The following WDR48 variants were observed in gnomAD, a reference collection of about 807,000 sequenced individuals.
The protein encoded by WDR48 is WD repeat domain 48.
Under a neutral mutation model 94.0 loss-of-function variants are expected in WDR48, and 22 were observed. That is an observed-to-expected ratio of 0.23 (90% CI 0.17 to 0.33). The LOEUF is 0.33. Among genes scored for constraint, WDR48 ranks in the 10% least tolerant of loss-of-function variants. The pLI, the probability that WDR48 is intolerant of heterozygous loss-of-function variation, is 1.00. For missense variants in WDR48, 541 were observed against 813.8 expected (o/e 0.66, Z 4.08); for synonymous variants, 278 against 280.5 (o/e 0.99, Z 0.09).
chr3:39,077,382 T>C (rs1293603694), intron 9 of WDR48, among the ~76,000 whole-genome samples, 169 bp downstream of exon 9: 1 of 152,222 alleles, frequency 6.6e-6, no homozygotes, highest in South Asian at 2.1e-4. Flanking sequence ...AAGATCATAC[T>C]AAAATTAAGA....
rs201155629 is a variant in WDR48, at chr3:39,052,082, G to T, written c.48+9G>T. 6.2e-7 allele frequency: 1 copy of T among 1,613,506 alleles called. No individual in the cohort carries two copies. The highest frequency in any genetic ancestry group is 8.5e-7 in the Non-Finnish European group (1 of 1,179,822). On this transcript the variant is annotated intron_variant, in intron 1 of 18. Transcript: ENST00000302313. ...GGCGGAGGAAAGTGCAGGTATGGAA[G>T]CCCGGTTCCTCGGTCTTCCGGACGC...
intron 18 of WDR48, chr3:39,094,350 A>G: frequency 7.0e-7 from 1 of 1,438,180 alleles, no homozygotes; most frequent in Non-Finnish European, 9.1e-7. Context: ...TATGATTTAG[A>G]GTGAAGGTGT....
intron 5 of WDR48, among the ~76,000 whole-genome samples, chr3:39,067,126 C>T (rs554852809): frequency 2.5e-4 from 38 of 152,240 alleles, no homozygotes; most frequent in Admixed American, 6.5e-4. Context: ...GTCTTAGCTC[C>T]CTAGCTAAAA....
intron 15 of WDR48, 84 bp from the exon 16 acceptor site, chr3:39,089,147 G>T: frequency 8.0e-7 from 1 of 1,247,822 alleles, no homozygotes; most frequent in Non-Finnish European, 1.1e-6. Context: ...AAAACCATGA[G>T]GGTTCCTCCC....
At chr3:39,069,518 C>A in intron 6 of WDR48, 125 bp from the exon 7 acceptor site, 1 of 768,094 alleles carries the variant, frequency 1.3e-6, no homozygotes, top group Non-Finnish European at 2.0e-6. Context: ...AGACAGTGTC[C>A]ATTGGCAGAA....
At chr3:39,089,593 C>G (rs895263488) in intron 16 of WDR48, 1 of 220,874 alleles carries the variant, frequency 4.5e-6, no homozygotes, top group Non-Finnish European at 8.9e-6. Context: ...TTCATTCTTG[C>G]CCATTCACTC....
intron 3 of WDR48, 52 bp downstream of exon 3, chr3:39,065,941 T>C (rs1293882289): frequency 1.4e-6 from 2 of 1,379,324 alleles, no homozygotes; most frequent in Non-Finnish European, 2.0e-6. Context: ...TTTTGTTTTT[T>C]ATATAAGCTT....
intron 1 of WDR48, among the ~76,000 whole-genome samples, chr3:39,061,057 G>C (rs548510227): frequency 3.9e-4 from 60 of 152,164 alleles, no homozygotes; most frequent in Non-Finnish European, 7.5e-4. Flanking sequence ...GTGGAGAAAG[G>C]GTATAATTGT....
chr3:39,076,426 G>A (rs140871463), intron 8 of WDR48, among the ~76,000 whole-genome samples: 26 of 152,288 alleles, frequency 1.7e-4, no homozygotes, highest in African/African-American at 5.3e-4. Context: ...ATCTCTTGCC[G>A]GGATGTTGGC....
At chr3:39,055,606 G>A (rs1001255156) in intron 1 of WDR48, among the ~76,000 whole-genome samples, 1 of 152,202 alleles carries the variant, frequency 6.6e-6, no homozygotes, top group African/African-American at 2.4e-5. Flanking sequence ...AGGAAAACTA[G>A]AGATACGAGG....
At chr3:39,073,801 A>G (rs1446552911) in intron 7 of WDR48, among the ~76,000 whole-genome samples, 3 of 152,180 alleles carry the variant, frequency 2.0e-5, no homozygotes, top group Non-Finnish European at 4.4e-5. Context: ...AAAGTGTCCA[A>G]CGCAAAGAGT....
chr3:39,055,716 T>G (rs967386407), intron 1 of WDR48, among the ~76,000 whole-genome samples: 1 of 152,126 alleles, frequency 6.6e-6, no homozygotes, highest in Admixed American at 6.5e-5. Flanking sequence ...TCAAAGCAAG[T>G]CTTTTCCATC....
rs952294772 is a variant in WDR48 at position 39,093,753 on chromosome 3, C to T, written c.1746-121C>T. 4 of 1,170,208 alleles carry T rather than the reference C, an allele frequency of 3.4e-6. No individual in the cohort carries two copies. In the African/African-American group the frequency reaches 4.7e-5, roughly 14 times the overall value. 72.5% of individuals were successfully genotyped at this position (1,170,208 alleles called of 1,614,324 possible). ...CTCTAAAAATGGATTAAGGTAATGACTAAAAACATTTATTGGTTTATTTTT... is the reference window on the plus strand; with the variant it reads ...CTCTAAAAATGGATTAAGGTAATGATTAAAAACATTTATTGGTTTATTTTT... On this transcript the variant is annotated intron_variant, in intron 17 of 18. Coordinates refer to ENST00000302313, the MANE Select transcript of WDR48 (RefSeq NM_020839.4).
intron 9 of WDR48, 75 bp downstream of exon 9, chr3:39,077,288 A>G: frequency 3.2e-6 from 5 of 1,541,594 alleles, no homozygotes; most frequent in Non-Finnish European, 4.5e-6. Context: ...CGCCAGTTGC[A>G]AATGCTCAGT....
At chr3:39,087,310 A>C (rs1207966127) in intron 14 of WDR48, among the ~76,000 whole-genome samples, 1 of 152,168 alleles carries the variant, frequency 6.6e-6, no homozygotes. Context: ...GGAGGCCTCT[A>C]ATATTTGTTG....
intron 16 of WDR48, chr3:39,091,381 C>A: frequency 3.1e-6 from 1 of 320,480 alleles, no homozygotes. Context: ...CCTTTAATAC[C>A]TTGTACTGTT....
intron 3 of WDR48, among the ~76,000 whole-genome samples, 187 bp from the exon 4 acceptor site, chr3:39,066,361 C>T (rs972477532): frequency 2.0e-5 from 3 of 152,034 alleles, no homozygotes; most frequent in African/African-American, 7.3e-5. Context: ...TTTCTTTGAA[C>T]ATGTGTCTTG....
intron 5 of WDR48, among the ~76,000 whole-genome samples, chr3:39,067,272 A>G (rs964241876): frequency 6.6e-6 from 1 of 152,202 alleles, no homozygotes; most frequent in African/African-American, 2.4e-5. Context: ...CGGTTTTCTG[A>G]CTTTTTAAAG....
intron 2 of WDR48, among the ~76,000 whole-genome samples, chr3:39,065,577 A>G (rs1432284651): frequency 6.6e-6 from 1 of 151,788 alleles, no homozygotes; most frequent in Admixed American, 6.6e-5. Context: ...AAAATGAAGT[A>G]TTTGTCCTGG....
Sources: allele counts gnomAD v4.1 joint callset (sites outside exome capture counted in the v4.1 genomes callset), GRCh38; gene constraint gnomAD v4.1.1; transcripts MANE v1.5; gene names NCBI Gene and HGNC (gene_info 2026-07-23, HGNC 2026-07-21).